The following CSMD2 variants were observed in gnomAD, a reference collection of about 807,000 sequenced individuals.
CSMD2 encodes CUB and sushi domain-containing protein 2.
A neutral mutation model predicts 398.5 loss-of-function variants in CSMD2; 130 were observed. That is an observed-to-expected ratio of 0.33 (90% confidence interval 0.28 to 0.38). The LOEUF (loss-of-function observed/expected upper bound fraction) is 0.38. Ranked by LOEUF, CSMD2 falls within the 10% of genes least tolerant of loss-of-function variation. The pLI is 1.00. For missense variants in CSMD2, 3,829 were observed against 4,764.9 expected (o/e 0.80, Z 5.78); for synonymous variants, 1,828 against 1,908.5 (o/e 0.96, Z 1.10).
Position 34,153,751 on chromosome 1 carries a change from G to A in CSMD2, c.187+11160C>T, listed in dbSNP as rs111808228. ...GTGGGGGCCCAGGATGGATGGACAG[G>A]AAGGTTCTAGAACTCCTCAGAGCCC... is the stretch of plus-strand genomic sequence containing the variant. On this transcript the variant is annotated intron_variant, in intron 1 of 70. Coordinates refer to ENST00000373381, the MANE Select transcript of CSMD2 (RefSeq NM_001281956.2). Among the ~76,000 whole-genome samples, 1,089 of 152,310 alleles carry A rather than the reference G, an allele frequency of 7.1e-3. 11 individuals are homozygous for A. The highest frequency in any genetic ancestry group is 0.025 in the African/African-American group (1,027 of 41,552).
chr1:33,833,737 G>A (rs1659893811), intron 6 of CSMD2, among the ~76,000 whole-genome samples: 1 of 152,026 alleles, frequency 6.6e-6, no homozygotes, highest in South Asian at 2.1e-4. Flanking sequence ...TGACATGATT[G>A]TATATCTAGA....
At chr1:33,885,333 T>C (rs568996316) in intron 5 of CSMD2, 16 of 152,330 alleles carry the variant, frequency 1.1e-4, no homozygotes, top group African/African-American at 3.8e-4. Flanking sequence ...ACCTAAGTGC[T>C]TAGCCTGGCT....
At chr1:33,646,998 G>A (rs1643471998) in intron 28 of CSMD2, among the ~76,000 whole-genome samples, 163 bp from the exon 29 acceptor site, 1 of 152,122 alleles carries the variant, frequency 6.6e-6, no homozygotes, top group African/African-American at 2.4e-5. Flanking sequence ...AGAAGATGAG[G>A]CCCTGATGAC....
At chr1:34,093,109 C>T (rs1488591902) in intron 1 of CSMD2, among the ~76,000 whole-genome samples, 2 of 152,180 alleles carry the variant, frequency 1.3e-5, no homozygotes, top group East Asian at 1.9e-4. Flanking sequence ...CCCTGACCCC[C>T]GAGCAGCCTA....
rs150699077 is a variant in CSMD2 at position 33,751,438 on chromosome 1, T to A, written c.1847-7832A>T. ...GTTTCAGCAACATGAGACTCATTGG[T>A]GAGTTTTGTGAGAGCAATTTCAGAG... On this transcript the variant is annotated intron_variant, in intron 13 of 70. Transcript: ENST00000373381. Among the ~76,000 whole-genome samples the A allele has an allele frequency of 7.0e-3, 1,071 of 152,074 alleles. 25 individuals are homozygous for A. The highest frequency in any genetic ancestry group is 0.056 in the Admixed American group (850 of 15,266).
chr1:34,022,233 A>T (rs557950110), intron 3 of CSMD2, among the ~76,000 whole-genome samples: 1 of 152,326 alleles, frequency 6.6e-6, no homozygotes, highest in African/African-American at 2.4e-5. Flanking sequence ...GTGAGTGTTT[A>T]TTCTATGCCA....
At chr1:33,627,209 C>T (rs952015380) in intron 32 of CSMD2, among the ~76,000 whole-genome samples, 10 of 152,282 alleles carry the variant, frequency 6.6e-5, no homozygotes, top group South Asian at 2.1e-4. Flanking sequence ...GTACTATTGC[C>T]GGCCAATAAC....
intron 3 of CSMD2, among the ~76,000 whole-genome samples, chr1:33,986,494 C>A (rs754117637): frequency 9.9e-5 from 15 of 152,238 alleles, no homozygotes; most frequent in East Asian, 5.8e-4. Flanking sequence ...TGTGACAGAG[C>A]GAGTAGGTAG....
chr1:34,140,990 G>A (rs552912801), intron 1 of CSMD2, among the ~76,000 whole-genome samples: 5 of 151,928 alleles, frequency 3.3e-5, no homozygotes, highest in South Asian at 2.1e-4. Context: ...AGGAACACTC[G>A]AACACACAGA....
At chr1:33,857,605 T>C (rs1639191138) in intron 5 of CSMD2, among the ~76,000 whole-genome samples, 1 of 152,054 alleles carries the variant, frequency 6.6e-6, no homozygotes, top group Admixed American at 6.5e-5. Flanking sequence ...AGCTCTGTGA[T>C]TCACTCTCTC....
At chr1:33,592,249 T>C in intron 44 of CSMD2, 1 of 643,484 alleles carries the variant, frequency 1.6e-6, no homozygotes, top group South Asian at 1.8e-5. Context: ...TGTTCTACTT[T>C]TTGGTCCACA....
chr1:34,021,620 A>C (rs890006127), intron 3 of CSMD2, among the ~76,000 whole-genome samples: 1 of 152,288 alleles, frequency 6.6e-6, no homozygotes, highest in African/African-American at 2.4e-5. Flanking sequence ...TCCCGTGAAA[A>C]GGGTGTTTAT....
chr1:33,780,472 C>T (rs751116950), intron 12 of CSMD2, among the ~76,000 whole-genome samples: 7 of 152,178 alleles, frequency 4.6e-5, no homozygotes, highest in Non-Finnish European at 1.0e-4. Flanking sequence ...GACATTCTTC[C>T]CTCCCCATCT....
At chr1:34,043,546 C>G (rs1652118981) in intron 2 of CSMD2, among the ~76,000 whole-genome samples, 1 of 152,172 alleles carries the variant, frequency 6.6e-6, no homozygotes, top group Admixed American at 6.5e-5. Context: ...CAAAGACTAT[C>G]TATAACCTTT....
At chr1:33,968,382 T>C (rs895802794) in intron 3 of CSMD2, among the ~76,000 whole-genome samples, 1 of 152,146 alleles carries the variant, frequency 6.6e-6, no homozygotes, top group South Asian at 2.1e-4. Flanking sequence ...TGTATTCCCA[T>C]CCCCTTTGGT....
intron 5 of CSMD2, among the ~76,000 whole-genome samples, chr1:33,886,732 A>G (rs1042965441): frequency 3.9e-5 from 6 of 152,222 alleles, no homozygotes; most frequent in Non-Finnish European, 7.3e-5. Flanking sequence ...TCCCCTTGGC[A>G]GACAGGCCTC....
chr1:33,651,115 A>G (rs1033417420), intron 28 of CSMD2, among the ~76,000 whole-genome samples: 1 of 152,182 alleles, frequency 6.6e-6, no homozygotes, highest in Non-Finnish European at 1.5e-5. Flanking sequence ...TCTGACAGCT[A>G]GCTAAGGGAG....
intron 56 of CSMD2, among the ~76,000 whole-genome samples, chr1:33,548,491 C>T (rs1402292508): frequency 6.6e-6 from 1 of 152,146 alleles, no homozygotes; most frequent in Non-Finnish European, 1.5e-5. Context: ...GACTCAAGGA[C>T]TTAAGAGGTT....
At chr1:33,725,052 T>C (rs935854613) in intron 17 of CSMD2, among the ~76,000 whole-genome samples, 9 of 152,224 alleles carry the variant, frequency 5.9e-5, no homozygotes, top group African/African-American at 2.2e-4. Context: ...GTTAACTTCA[T>C]GGTCAGTCAA....
Sources: allele counts gnomAD v4.1 joint callset (sites outside exome capture counted in the v4.1 genomes callset), GRCh38; gene constraint gnomAD v4.1.1; transcripts MANE v1.5; gene names NCBI Gene and HGNC (gene_info 2026-07-23, HGNC 2026-07-21).